The following LRIG1 variants were observed in gnomAD, a reference collection of about 807,000 sequenced individuals.
LRIG1 encodes leucine rich repeats and immunoglobulin like domains 1.
LRIG1 carries 48 observed loss-of-function variants against 99.2 expected under a neutral mutation model. The ratio of observed to expected loss-of-function variants is 0.48; its 90% CI spans 0.38 to 0.62. The LOEUF is 0.62. LRIG1 is among the 20% of genes least tolerant of loss of function. The pLI, the probability that LRIG1 is intolerant of heterozygous loss-of-function variation, is 0.00. For synonymous variants in LRIG1, 772 were observed against 596.1 expected (o/e 1.29, Z -4.30); for missense variants, 1,646 against 1,434.4 (o/e 1.15, Z -2.38).
At chr3:66,455,575 T>C (rs1295378907) in intron 2 of LRIG1, among the ~76,000 whole-genome samples, 1 of 152,252 alleles carries the variant, frequency 6.6e-6, no homozygotes, top group African/African-American at 2.4e-5. Context: ...GCCAATCCAC[T>C]ACTGGCAGAC....
intron 3 of LRIG1, among the ~76,000 whole-genome samples, chr3:66,418,194 C>T (rs746184276): frequency 9.2e-5 from 14 of 152,134 alleles, no homozygotes; most frequent in Non-Finnish European, 1.8e-4. Context: ...TGGGTTCAAG[C>T]GATTCTTCTG....
chr3:66,488,772 C>G (rs565601039), intron 1 of LRIG1, among the ~76,000 whole-genome samples: 1 of 152,210 alleles, frequency 6.6e-6, no homozygotes, highest in Non-Finnish European at 1.5e-5. Context: ...CAGTGAGTAG[C>G]TGCCCTTCCT....
At chr3:66,392,285 C>T (rs1444648827) in intron 12 of LRIG1, among the ~76,000 whole-genome samples, 2 of 152,196 alleles carry the variant, frequency 1.3e-5, no homozygotes, top group African/African-American at 4.8e-5. Context: ...TGAACATATA[C>T]ATTCATTTCT....
At chr3:66,397,972 G>T in intron 11 of LRIG1, 140 bp downstream of exon 11, 1 of 667,538 alleles carries the variant, frequency 1.5e-6, no homozygotes, top group Non-Finnish European at 2.6e-6. Context: ...AAGTAGTCAT[G>T]ACAGAGACTC....
chr3:66,425,008 T>C (rs1575680395), intron 3 of LRIG1, among the ~76,000 whole-genome samples: 1 of 152,212 alleles, frequency 6.6e-6, no homozygotes, highest in East Asian at 1.9e-4. Context: ...TGCTTAATGA[T>C]ATTTTCAACT....
intron 2 of LRIG1, 82 bp from the exon 3 acceptor site, chr3:66,451,715 G>T: frequency 9.8e-7 from 1 of 1,015,854 alleles, no homozygotes; most frequent in South Asian, 1.4e-5. Context: ...ATAAACAAAC[G>T]CTGCTAAGTC....
chr3:66,413,981 A>T (rs991223357), intron 5 of LRIG1, among the ~76,000 whole-genome samples: 30 of 152,180 alleles, frequency 2.0e-4, no homozygotes, highest in African/African-American at 7.2e-4. Context: ...AAAAAAAAAA[A>T]TCAGGGAAAA....
intron 2 of LRIG1, among the ~76,000 whole-genome samples, chr3:66,452,481 CCT>C (rs1250667214): frequency 1.3e-5 from 2 of 152,170 alleles, no homozygotes; most frequent in Non-Finnish European, 2.9e-5. Flanking sequence ...GCCCAACAAT[CCT>C]TAAGAAAACC....
intron 1 of LRIG1, among the ~76,000 whole-genome samples, chr3:66,474,955 A>G (rs1004942581): frequency 6.6e-6 from 1 of 152,210 alleles, no homozygotes; most frequent in Admixed American, 6.5e-5. Context: ...AAGAAACACC[A>G]TGTGTACTTC....
intron 1 of LRIG1, among the ~76,000 whole-genome samples, chr3:66,481,510 AG>A (rs1700851004): frequency 6.7e-6 from 1 of 149,782 alleles, no homozygotes; most frequent in Admixed American, 6.6e-5. Context: ...CACAGACCGG[AG>A]GGTTTATGTA....
chr3:66,381,064 C>T (rs1021163862), intron 17 of LRIG1: 31 of 608,402 alleles, frequency 5.1e-5, no homozygotes, highest in African/African-American at 2.0e-4. Context: ...TGGGGTCTTT[C>T]GTGTTTACAG....
chr3:66,423,054 T>C (rs1184620287), intron 3 of LRIG1, among the ~76,000 whole-genome samples: 2 of 152,162 alleles, frequency 1.3e-5, no homozygotes, highest in Non-Finnish European at 2.9e-5. Context: ...GTCCCTCCCA[T>C]GACACATGGG....
intron 16 of LRIG1, among the ~76,000 whole-genome samples, chr3:66,381,960 G>A (rs1039733066): frequency 5.3e-5 from 8 of 152,136 alleles, no homozygotes; most frequent in African/African-American, 1.9e-4. Flanking sequence ...CGTTCCCCAT[G>A]TAAGGAATGG....
intron 3 of LRIG1, among the ~76,000 whole-genome samples, chr3:66,438,880 A>G (rs1017118216): frequency 6.6e-5 from 10 of 152,226 alleles, no homozygotes; most frequent in African/African-American, 2.4e-4. Flanking sequence ...GAGGTGACCC[A>G]TGAGGCCACC....
At chr3:66,440,551 T>C (rs925462952) in intron 3 of LRIG1, among the ~76,000 whole-genome samples, 1 of 152,304 alleles carries the variant, frequency 6.6e-6, no homozygotes, top group South Asian at 2.1e-4. Context: ...TCCATTTTTA[T>C]GGGATGTAAA....
At chr3:66,387,101 G>A (rs563753000) in intron 12 of LRIG1, 1 of 148,720 alleles carries the variant, frequency 6.7e-6, no homozygotes, top group Non-Finnish European at 1.5e-5. Context: ...AGAAGCCCTA[G>A]CCCCAGGGCA....
In LRIG1 at chr3:66,489,153, C is replaced by CT. The variant is rs780575134; in HGVS notation, c.218+11036dup. Among the ~76,000 whole-genome samples, 5 of 152,278 alleles carry CT rather than the reference C, an allele frequency of 3.3e-5. No homozygotes were observed. In the South Asian group the frequency reaches 8.3e-4, roughly 25 times the overall value. ...TATCTCAAGGCTCACAAAAGGGTCC[C>CT]TCATTGAGACTCTGCATGCACATAC... is the stretch of plus-strand genomic sequence containing the variant. On this transcript the variant is annotated intron_variant, in intron 1 of 18. Transcript: ENST00000273261.
intron 9 of LRIG1, among the ~76,000 whole-genome samples, chr3:66,399,668 TGAGGTGGGAGGATTGCTTGAGCCCAG>T (rs1176112132): frequency 2.0e-5 from 3 of 152,148 alleles, no homozygotes; most frequent in Non-Finnish European, 2.9e-5. Flanking sequence ...CTTAGAAGGC[TGAGGTGGGAGGATTGCTTGAGCCCAG>T]GAGGTGGAGG....
intron 1 of LRIG1, among the ~76,000 whole-genome samples, chr3:66,494,545 A>G (rs1346767739): frequency 2.6e-5 from 4 of 152,258 alleles, no homozygotes; most frequent in Non-Finnish European, 5.9e-5. Context: ...TGAAATGGAG[A>G]AACAGCTTAA....
Sources: gnomAD v4.1 joint callset for allele counts (sites outside exome capture counted in the v4.1 genomes callset) on GRCh38, gnomAD v4.1.1 for gene constraint, MANE v1.5 for transcripts, NCBI Gene and HGNC (gene_info 2026-07-23, HGNC 2026-07-21) for gene names.